Variants in APAF1 observed in about 807,000 individuals in gnomAD.
APAF1 encodes apoptotic protease-activating factor 1.
A neutral mutation model predicts 152.4 loss-of-function variants in APAF1; 91 were observed. The ratio of observed to expected loss-of-function variants is 0.60; its 90% CI spans 0.50 to 0.71. The LOEUF is 0.71. Ranked by LOEUF, APAF1 falls within the 30% of genes least tolerant of loss-of-function variation. The pLI is 0.00. For synonymous variants in APAF1, 484 were observed against 494.1 expected, an observed-to-expected ratio of 0.98 and a Z score of 0.27; for missense variants, 1,283 against 1,472.0, an observed-to-expected ratio of 0.87 and a Z score of 2.10.
chr12:98,706,340 A>G, intron 18 of APAF1, 145 bp from the exon 19 acceptor site: 1 of 825,346 alleles, frequency 1.2e-6, no homozygotes, highest in Non-Finnish European at 2.1e-6. Context: ...TCTTCTGCAT[A>G]AGACATTTTG....
At chr12:98,675,944 G>A (rs1007035266) in intron 12 of APAF1, among the ~76,000 whole-genome samples, 35 of 152,268 alleles carry the variant, frequency 2.3e-4, no homozygotes, top group Non-Finnish European at 4.7e-4. Context: ...GTCGGGTGCT[G>A]TTTAGAATAG....
rs920139929 is a variant in APAF1 at position 98,710,997 on chromosome 12, T to C, written c.2842-1322T>C. The stretch of plus-strand genomic sequence containing the variant: ...TGGTATGTGGTAACTTCTTGTTTAC[T>C]GTGGGTGTCAAAATCAAGCTGTAAG... On this transcript the variant is annotated intron_variant, in intron 20 of 26. Coordinates refer to ENST00000551964, the MANE Select transcript of APAF1 (RefSeq NM_181861.2). 3.9e-5 allele frequency among the ~76,000 whole-genome samples: 6 copies of C among 152,352 alleles called. No homozygotes were observed. The East Asian group carries it at 1.2e-3, about 29-fold the overall frequency.
intron 21 of APAF1, among the ~76,000 whole-genome samples, 182 bp from the exon 22 acceptor site, chr12:98,715,245 T>TGC (rs1250090657): frequency 1.7e-5 from 1 of 59,910 alleles, no homozygotes; most frequent in African/African-American, 5.9e-5. Context: ...CATATATATA[T>TGC]ATATATATAT....
Position 98,707,711 on chromosome 12 carries a change from T to TATATATATATATATATATAC in APAF1, c.2722-873_2722-872insTATATATATATATATATACA, listed in dbSNP as rs200051674. On this transcript the variant is annotated intron_variant, in intron 19 of 26. Coordinates refer to ENST00000551964, the MANE Select transcript of APAF1 (RefSeq NM_181861.2). Reference sequence around the variant, plus strand: ...AAAGTACTATATATATATATATATATACATATAAATTTACTAATTCTCACA... The same window carrying TATATATATATATATATATAC: ...AAAGTACTATATATATATATATATATATATATATATATATATATACACATATAAATTTACTAATTCTCACA... 1.7e-4 allele frequency among the ~76,000 whole-genome samples: 25 copies of TATATATATATATATATATAC among 149,994 alleles called. No homozygotes were observed. In the South Asian group the frequency reaches 5.1e-3, roughly 30 times the overall value.
rs749374846 is a variant in APAF1, at chr12:98,725,555, G to A, written c.3456+15G>A. The A allele has an allele frequency of 3.7e-6, 6 of 1,613,900 alleles. No individual in the cohort carries two copies. The African/African-American group carries it at 8.0e-5, about 22-fold the overall frequency. ...GAGAAATCAGGGTAGGCTGTTTGCTGACATGAGAGCACTGCTCTTCTTGTA... is the reference window on the plus strand; with the variant it reads ...GAGAAATCAGGGTAGGCTGTTTGCTAACATGAGAGCACTGCTCTTCTTGTA... On this transcript the variant is annotated intron_variant, in intron 25 of 26. Coordinates refer to ENST00000551964, the MANE Select transcript of APAF1 (RefSeq NM_181861.2).
chr12:98,718,459 T>C (rs1593108971), intron 22 of APAF1, among the ~76,000 whole-genome samples: 1 of 152,008 alleles, frequency 6.6e-6, no homozygotes, highest in Non-Finnish European at 1.5e-5. Context: ...GGTCTTGAAC[T>C]CCTGATCTCA....
chr12:98,669,408 A>T (rs2097677316), intron 10 of APAF1, among the ~76,000 whole-genome samples: 1 of 152,248 alleles, frequency 6.6e-6, no homozygotes, highest in Non-Finnish European at 1.5e-5. Context: ...TGAAAAGGAA[A>T]ACAGAGATCA....
At chr12:98,729,246 C>G (rs893363755) in intron 26 of APAF1, among the ~76,000 whole-genome samples, 1 of 152,194 alleles carries the variant, frequency 6.6e-6, no homozygotes, top group African/African-American at 2.4e-5. Flanking sequence ...CAGCGGTCCC[C>G]AGCCTTTTTG....
At chr12:98,674,572 A>G (rs763706847) in intron 12 of APAF1, among the ~76,000 whole-genome samples, 13 of 152,254 alleles carry the variant, frequency 8.5e-5, no homozygotes, top group Middle Eastern at 3.4e-3. Flanking sequence ...TTATCTGTTT[A>G]CTTGGTTTTC....
Position 98,680,460 on chromosome 12 carries a change from A to G in APAF1, c.2046+58A>G, listed in dbSNP as rs566469180. 11 of 1,566,858 alleles carry G rather than the reference A, an allele frequency of 7.0e-6. No homozygotes were observed. The African/African-American group carries it at 1.1e-4, about 15-fold the overall frequency. On this transcript the variant is annotated intron_variant, in intron 14 of 26. Transcript: ENST00000551964. ...ACAACAGAATTCATTTTATTTTTCCATGATCATGAGACCAGAGTAAGTAGA... is the reference window on the plus strand; with the variant it reads ...ACAACAGAATTCATTTTATTTTTCCGTGATCATGAGACCAGAGTAAGTAGA...
At chr12:98,712,229 T>A in intron 20 of APAF1, 90 bp from the exon 21 acceptor site, 4 of 785,506 alleles carry the variant, frequency 5.1e-6, no homozygotes, top group Non-Finnish European at 9.1e-6. Flanking sequence ...TTCTGTGTTT[T>A]ATTTTATTTT....
rs150355642 is a variant in APAF1, at chr12:98,686,775, C to G, written c.2206C>G (p.Arg736Gly). The change falls in exon 16 of 27, where the codon CGA becomes GGA. Residue 736 changes from arginine to glycine, a missense_variant. By Grantham distance (125) the Arg-to-Gly change is moderately radical (BLOSUM62 -2). Transcript: ENST00000551964. ...TTGGGATTTGAATCAAAAAGAATGTCGAAATACCATGTTTGGTCATACAAA... is the reference window on the plus strand; with the variant it reads ...TTGGGATTTGAATCAAAAAGAATGTGGAAATACCATGTTTGGTCATACAAA... ...KLWDLNQKEC[R>G]NTMFGHTNSV... 1.2e-6 allele frequency: 2 copies of G among 1,613,500 alleles called. No homozygotes were observed. The highest frequency in any genetic ancestry group is 2.2e-5 in the East Asian group (1 of 44,826).
At chr12:98,687,494 C>T (rs2097699263) in intron 16 of APAF1, among the ~76,000 whole-genome samples, 1 of 151,326 alleles carries the variant, frequency 6.6e-6, no homozygotes, top group Non-Finnish European at 1.5e-5. Context: ...TTATTTTGTG[C>T]TTCTATAATT....
chr12:98,709,881 T>A (rs2097725965), intron 20 of APAF1, among the ~76,000 whole-genome samples: 2 of 152,212 alleles, frequency 1.3e-5, no homozygotes, highest in Non-Finnish European at 2.9e-5. Context: ...ATTTTCTTTC[T>A]TTTGTTTTTC....
In APAF1 at chr12:98,665,730, A is replaced by G. The variant is rs201629052; in HGVS notation, c.1133A>G (p.Asp378Gly). 1 of 1,614,172 alleles carries G rather than the reference A, an allele frequency of 6.2e-7. No homozygotes were observed. The highest frequency in any genetic ancestry group is 1.3e-5 in the African/African-American group (1 of 75,064). Residue 378 changes from aspartate (D) to glycine (G), a missense_variant, in exon 8 of 27, where the codon GAC becomes GGC. Asp to Gly is a moderately conservative substitution (Grantham distance 94, BLOSUM62 -1). Transcript: ENST00000551964. The part of the protein sequence containing the change: ...MSISVEMLRE[D>G]IKDYYTDLSI... Reference sequence around the variant, plus strand: ...ATAAGTGTTGAAATGCTCAGAGAAGACATCAAAGATTATTACACAGATCTT... The same window carrying G: ...ATAAGTGTTGAAATGCTCAGAGAAGGCATCAAAGATTATTACACAGATCTT...
intron 22 of APAF1, among the ~76,000 whole-genome samples, chr12:98,722,590 C>T (rs552099441): frequency 6.6e-6 from 1 of 152,248 alleles, no homozygotes; most frequent in African/African-American, 2.4e-5. Flanking sequence ...GCTAGTTACT[C>T]ATGTTATTTC....
At chr12:98,670,842 C>G in intron 10 of APAF1, 131 bp from the exon 11 acceptor site, 2 of 643,302 alleles carry the variant, frequency 3.1e-6, no homozygotes, top group Non-Finnish European at 5.7e-6. Context: ...TGTGTTCTTT[C>G]TCACTAGCTT....
rs534199115 is a variant in APAF1, at chr12:98,726,085, C to T, written c.3456+545C>T. 5.3e-5 allele frequency among the ~76,000 whole-genome samples: 8 copies of T among 152,186 alleles called. No homozygotes were observed. The South Asian group carries it at 1.0e-3, about 20-fold the overall frequency. On this transcript the variant is annotated intron_variant, in intron 25 of 26. Transcript: ENST00000551964. ...CAGCGAAGGGCTCCTAATTGAGTCA[C>T]AGTCTGCATGCTAGGCCAGTTTTTA...
intron 3 of APAF1, chr12:98,649,075 G>A: frequency 1.3e-6 from 1 of 799,022 alleles, no homozygotes; most frequent in Non-Finnish European, 1.9e-6. Flanking sequence ...ACAATTTATA[G>A]GCCCTTGTTT....
Sources: allele counts gnomAD v4.1 joint callset (sites outside exome capture counted in the v4.1 genomes callset), GRCh38; gene constraint gnomAD v4.1.1; transcripts MANE v1.5; gene names NCBI Gene and HGNC (gene_info 2026-07-23, HGNC 2026-07-21).